The following C12orf54 variants were observed in gnomAD, a reference collection of about 807,000 sequenced individuals.
C12orf54 encodes the protein uncharacterized protein C12orf54.
In C12orf54, 24 loss-of-function variants were observed where a neutral mutation model predicts 26.4. That is an observed-to-expected ratio of 0.91 (90% CI 0.66 to 1.28). The LOEUF is 1.28. Among genes scored for constraint, C12orf54 ranks in the 50% most tolerant of loss-of-function variants. C12orf54 has a pLI of 0.00. For missense variants in C12orf54, 154 were observed against 150.9 expected (o/e 1.02, Z -0.11); for synonymous variants, 54 against 47.0 (o/e 1.15, Z -0.61).
chr12:48,413,491 G>A, the C12orf54 span, among the ~76,000 whole-genome samples: 1 of 152,198 alleles, frequency 6.6e-6, no homozygotes, highest in African/African-American at 2.4e-5. Flanking sequence ...TCTCTGCATT[G>A]AAATGTCCCT....
chr12:48,464,707 G>T, the C12orf54 span, among the ~76,000 whole-genome samples: 1 of 152,028 alleles, frequency 6.6e-6, no homozygotes, highest in Non-Finnish European at 1.5e-5. Context: ...GCTTGGTACT[G>T]GTACAAAAAC....
intron 5 of C12orf54, among the ~76,000 whole-genome samples, chr12:48,489,580 CT>C: frequency 6.6e-6 from 1 of 152,074 alleles, no homozygotes; most frequent in South Asian, 2.1e-4. Context: ...ACCCAGCTAA[CT>C]TTTTTTGTAT....
chr12:48,478,015 C>A (rs549529799), upstream of C12orf54, among the ~76,000 whole-genome samples: 32 of 152,206 alleles, frequency 2.1e-4, no homozygotes, highest in Non-Finnish European at 2.4e-4. Flanking sequence ...ACTGGCAAAC[C>A]GAATCCAGCA....
At chr12:48,431,298 TA>T in the C12orf54 span, among the ~76,000 whole-genome samples, 1 of 152,010 alleles carries the variant, frequency 6.6e-6, no homozygotes, top group Admixed American at 6.6e-5. Context: ...TATGGAAAAA[TA>T]AAAAGTAAAA....
chr12:48,483,602 G>A (rs916860461), intron 2 of C12orf54: 28 of 454,412 alleles, frequency 6.2e-5, no homozygotes, highest in Admixed American at 4.2e-4. Flanking sequence ...AGGGGTTGGC[G>A]GGGTATACAA....
chr12:48,489,186 T>C (rs773802077), intron 5 of C12orf54: 3 of 691,438 alleles, frequency 4.3e-6, no homozygotes, highest in African/African-American at 1.7e-5. Flanking sequence ...CAGAAAATTG[T>C]ATCTGCTAGA....
chr12:48,464,592 A>G, the C12orf54 span, among the ~76,000 whole-genome samples: 1 of 152,194 alleles, frequency 6.6e-6, no homozygotes, highest in Admixed American at 6.5e-5. Context: ...GTGGAACCAA[A>G]AAAGTGCCCA....
chr12:48,486,775 G>A, intron 4 of C12orf54, 49 bp downstream of exon 4: 1 of 1,554,310 alleles, frequency 6.4e-7, no homozygotes, highest in South Asian at 1.1e-5. Context: ...GGTGGGAGGT[G>A]GGGGAAGTCT....
the C12orf54 span, among the ~76,000 whole-genome samples, chr12:48,464,385 C>T: frequency 6.6e-6 from 1 of 152,006 alleles, no homozygotes; most frequent in Admixed American, 6.6e-5. Flanking sequence ...AAGATCTCTA[C>T]AATGTGAATT....
chr12:48,489,341 G>A (rs1231126472), intron 5 of C12orf54: 2 of 342,180 alleles, frequency 5.8e-6, no homozygotes, highest in Non-Finnish European at 1.1e-5. Flanking sequence ...AGAGACCAGA[G>A]CTAACCATCT....
the C12orf54 span, among the ~76,000 whole-genome samples, chr12:48,441,273 T>A: frequency 1.3e-5 from 2 of 152,212 alleles, no homozygotes; most frequent in Non-Finnish European, 2.9e-5. Context: ...TTGCGTAGGC[T>A]GTCAGAGTGC....
chr12:48,481,553 G>A (rs978199230), upstream of C12orf54, among the ~76,000 whole-genome samples: 2 of 152,154 alleles, frequency 1.3e-5, no homozygotes, highest in African/African-American at 4.8e-5. Flanking sequence ...GGATGGGACA[G>A]TATGCCTTTC....
the C12orf54 span, among the ~76,000 whole-genome samples, chr12:48,475,220 G>A: frequency 6.6e-6 from 1 of 152,084 alleles, no homozygotes; most frequent in Non-Finnish European, 1.5e-5. Flanking sequence ...CAAAGAGAAA[G>A]GACATCCATA....
the C12orf54 span, among the ~76,000 whole-genome samples, chr12:48,446,892 A>T: frequency 3.3e-5 from 5 of 152,316 alleles, no homozygotes; most frequent in Middle Eastern, 3.4e-3. Flanking sequence ...TTTGACACAA[A>T]ATAGACAAAG....
chr12:48,453,235 G>A, the C12orf54 span, among the ~76,000 whole-genome samples: 2 of 152,066 alleles, frequency 1.3e-5, no homozygotes, highest in East Asian at 3.9e-4. Flanking sequence ...ACTAATGCAG[G>A]AACAGACAAC....
At chr12:48,444,000 C>T in the C12orf54 span, among the ~76,000 whole-genome samples, 1 of 152,174 alleles carries the variant, frequency 6.6e-6, no homozygotes, top group African/African-American at 2.4e-5. Context: ...CAATAAACAG[C>T]ACAGAATTAA....
the C12orf54 span, among the ~76,000 whole-genome samples, chr12:48,418,035 A>T: frequency 1.1e-4 from 16 of 152,302 alleles, no homozygotes; most frequent in East Asian, 3.1e-3. Flanking sequence ...AAAAATTTAG[A>T]TAGAAAACAG....
chr12:48,474,615 T>G, the C12orf54 span, among the ~76,000 whole-genome samples: 3 of 151,600 alleles, frequency 2.0e-5, no homozygotes, highest in Non-Finnish European at 4.4e-5. Flanking sequence ...GCTCGGAGGG[T>G]CCTACGCCCA....
chr12:48,471,310 T>C, the C12orf54 span, among the ~76,000 whole-genome samples: 2 of 152,216 alleles, frequency 1.3e-5, no homozygotes, highest in East Asian at 3.8e-4. Flanking sequence ...TACTCCATTG[T>C]GTATATGCAC....
Sources: allele counts gnomAD v4.1 joint callset (sites outside exome capture counted in the v4.1 genomes callset), GRCh38; gene constraint gnomAD v4.1.1; transcripts MANE v1.5; gene names NCBI Gene and HGNC (gene_info 2026-07-23, HGNC 2026-07-21).